GHRH: variants seen among roughly 807,000 people sequenced by gnomAD.
GHRH encodes the protein growth hormone releasing hormone.
In GHRH, 7 loss-of-function variants were observed where a neutral mutation model predicts 15.6. That is an observed-to-expected ratio of 0.45 (90% confidence interval 0.26 to 0.84). The LOEUF (loss-of-function observed/expected upper bound fraction) is 0.84. GHRH is among the 40% of genes least tolerant of loss of function. The pLI, the probability that GHRH is intolerant of heterozygous loss-of-function variation, is 0.18. For missense variants in GHRH, 117 were observed against 138.0 expected (o/e 0.85, Z 0.76); for synonymous variants, 54 against 50.4 (o/e 1.07, Z -0.30).
In GHRH at chr20:37,258,874, G is replaced by C. The variant is rs534142773; in HGVS notation, c.-19-1966C>G. Among the ~76,000 whole-genome samples the C allele has an allele frequency of 6.6e-6, 1 of 152,214 alleles. No individual in the cohort carries two copies. Among genetic ancestry groups the C allele is most frequent in the East Asian group, 1.9e-4 (1 of 5,190 alleles). ...CCTGCCTCAGCCTCCTGAGTAGCTG[G>C]GACAGCAGGCATGTGCCATCATGCC... On this transcript the variant is annotated intron_variant, in intron 1 of 4. Coordinates refer to ENST00000373614, the MANE Select transcript of GHRH (RefSeq NM_021081.6). The surrounding 1 kb of genome is among the most constrained non-coding windows in gnomAD (Gnocchi z 4.1).
intron 4 of GHRH, among the ~76,000 whole-genome samples, chr20:37,251,583 A>G (rs2068621411): frequency 1.3e-5 from 2 of 152,214 alleles, no homozygotes; most frequent in Non-Finnish European, 1.5e-5. Flanking sequence ...TTGACTGTAC[A>G]AGAACGTGTC....
rs562337799 is a variant in GHRH at position 37,251,701 on chromosome 20, G to GA, written c.309-471_309-470insT. On this transcript the variant is annotated intron_variant, in intron 4 of 4. Coordinates refer to ENST00000373614, the MANE Select transcript of GHRH (RefSeq NM_021081.6). ...CAGAGTGTGGCATGTCATAGTCACTGGATGGTCTTTACAGGGGTGGGAAGA... is the reference window on the plus strand; with the variant it reads ...CAGAGTGTGGCATGTCATAGTCACTGAGATGGTCTTTACAGGGGTGGGAAGA... Among the ~76,000 whole-genome samples the GA allele has an allele frequency of 8.8e-3, 1,345 of 152,294 alleles. 22 individuals are homozygous for GA. The highest frequency in any genetic ancestry group is 0.03 in the African/African-American group (1,237 of 41,554).
chr20:37,255,374 C>T (rs535147984), intron 3 of GHRH, among the ~76,000 whole-genome samples: 4 of 152,048 alleles, frequency 2.6e-5, no homozygotes, highest in African/African-American at 9.6e-5. Context: ...AGCTATTAAC[C>T]CTGGGCCAGG....
At chr20:37,254,078 G>A (rs2068640085) in intron 4 of GHRH, 132 bp downstream of exon 4, 2 of 883,678 alleles carry the variant, frequency 2.3e-6, no homozygotes, top group Admixed American at 2.1e-5. Context: ...TCTGTCAGGA[G>A]GGTCCTTGTT....
Position 37,258,791 on chromosome 20 carries a change from G to C in GHRH, c.-19-1883C>G, listed in dbSNP as rs765644975. ...GTCTCACTCTGTGGCCCAGGCTGAG[G>C]TGCAGTGGTGCAATCATAGCTCACT... On this transcript the variant is annotated intron_variant, in intron 1 of 4. Coordinates refer to ENST00000373614, the MANE Select transcript of GHRH (RefSeq NM_021081.6). This position sits in a 1 kb window ranked among gnomAD's most constrained non-coding sequence, Gnocchi z 4.1. 1.2e-4 allele frequency among the ~76,000 whole-genome samples: 18 copies of C among 152,090 alleles called. No homozygotes were observed. Among genetic ancestry groups the C allele is most frequent in the Non-Finnish European group, 1.9e-4 (13 of 68,026 alleles).
At chr20:37,259,714 G>A (rs2068677617) in intron 1 of GHRH, among the ~76,000 whole-genome samples, 1 of 152,140 alleles carries the variant, frequency 6.6e-6, no homozygotes, top group Admixed American at 6.6e-5. Context: ...TCTGGAGCAG[G>A]CATCCCCATG....
At chr20:37,253,031 TCAA>T (rs1026487688) in intron 4 of GHRH, among the ~76,000 whole-genome samples, 4 of 152,264 alleles carry the variant, frequency 2.6e-5, no homozygotes, top group South Asian at 2.1e-4. Flanking sequence ...AAACTCCATC[TCAA>T]CAACAACAAC....
In GHRH at chr20:37,252,126, A is replaced by G. The variant is rs533199157; in HGVS notation, c.309-895T>C. Reference sequence around the variant, plus strand: ...CAGAGGAGGCCTTCTTCTTAGAGACATTATTTTTGAACTCTTGTCTTGCGG... The same window carrying G: ...CAGAGGAGGCCTTCTTCTTAGAGACGTTATTTTTGAACTCTTGTCTTGCGG... On this transcript the variant is annotated intron_variant, in intron 4 of 4. Coordinates refer to ENST00000373614, the MANE Select transcript of GHRH (RefSeq NM_021081.6). Among the ~76,000 whole-genome samples, 4 of 152,334 alleles carry G rather than the reference A, an allele frequency of 2.6e-5. No homozygotes were observed. In the South Asian group the frequency reaches 8.3e-4, roughly 32 times the overall value.
In GHRH at chr20:37,251,136, A is replaced by G; in HGVS notation, c.*77T>C. On this transcript the variant is annotated 3_prime_UTR_variant, in exon 5 of 5. Coordinates refer to ENST00000373614, the MANE Select transcript of GHRH (RefSeq NM_021081.6). ...ATTTTATTGTATTTTCAAAGGAAAA[A>G]GTGGGTCAGAAATGAGAGGATTAAC... The G allele has an allele frequency of 1.0e-6, 1 of 978,418 alleles. No individual in the cohort carries two copies. The highest frequency in any genetic ancestry group is 1.5e-6 in the Non-Finnish European group (1 of 652,096). 60.6% of individuals were successfully genotyped at this position (978,418 alleles called of 1,614,324 possible). A position where few individuals can be genotyped will look rare whatever the true frequency, so the allele number is the denominator to read the frequency against.
At chr20:37,255,660 CAAAAAAAA>C (rs61126074) in intron 3 of GHRH, among the ~76,000 whole-genome samples, 2 of 14,720 alleles carry the variant, frequency 1.4e-4, no homozygotes, top group South Asian at 2.8e-3. Flanking sequence ...GACTCCATCT[CAAAAAAAA>C]AAAAAAAAAA....
Position 37,255,430 on chromosome 20 carries a change from G to A in GHRH, c.188+964C>T, listed in dbSNP as rs533058306. 3.1e-4 allele frequency among the ~76,000 whole-genome samples: 47 copies of A among 152,154 alleles called. 1 individual carries two copies. The South Asian group carries it at 9.6e-3, about 31-fold the overall frequency. ...AATCCCAGCACTTTGGGAGGCCGAG[G>A]CGGGCAGATCACGAGGTCAGGAGAT... is the stretch of plus-strand genomic sequence containing the variant. On this transcript the variant is annotated intron_variant, in intron 3 of 4. Transcript: ENST00000373614.
At chr20:37,260,235 C>T (rs539355116) in intron 1 of GHRH, among the ~76,000 whole-genome samples, 2 of 152,314 alleles carry the variant, frequency 1.3e-5, no homozygotes, top group South Asian at 2.1e-4. Flanking sequence ...GACCCCACAG[C>T]AACCTCTGAG....
chr20:37,258,106 A>G lies in GHRH; in HGVS notation c.-19-1198T>C, dbSNP rs1600874404. The stretch of plus-strand genomic sequence containing the variant: ...AGCATGCTCTGCAATTAGGGGAAAA[A>G]CAGCCAGCAGGGGACAGAGCCCGCC... On this transcript the variant is annotated intron_variant, in intron 1 of 4. Coordinates refer to ENST00000373614, the MANE Select transcript of GHRH (RefSeq NM_021081.6). This position sits in a 1 kb window ranked among gnomAD's most constrained non-coding sequence, Gnocchi z 4.1. Among the ~76,000 whole-genome samples the G allele has an allele frequency of 6.6e-6, 1 of 152,196 alleles. No individual in the cohort carries two copies. The highest frequency in any genetic ancestry group is 1.9e-4 in the East Asian group (1 of 5,194).
At chr20:37,256,555 T>A in intron 2 of GHRH, 57 bp from the exon 3 acceptor site, 1 of 1,093,458 alleles carries the variant, frequency 9.1e-7, no homozygotes, top group Non-Finnish European at 1.4e-6. Flanking sequence ...GAGAGGACAG[T>A]CGTGGCTGCA....
rs1196103774 is a variant in GHRH at position 37,255,683 on chromosome 20, AAAAG to A, written c.188+707_188+710del. ...CTCAAAAAAAAAAAAAAAAAAAAAA[AAAAG>A]AGCTATTAACCCTGTACAATGGGGA... On this transcript the variant is annotated intron_variant, in intron 3 of 4. Coordinates refer to ENST00000373614, the MANE Select transcript of GHRH (RefSeq NM_021081.6). Among the ~76,000 whole-genome samples the A allele has an allele frequency of 2.1e-3, 271 of 130,186 alleles. 19 individuals are homozygous for A. Among genetic ancestry groups the A allele is most frequent in the African/African-American group, 0.01 (254 of 25,262 alleles). The allele number at this position is 130,186 out of a possible 152,430, so 85.4% of individuals were successfully genotyped here.
intron 3 of GHRH, 100 bp from the exon 4 acceptor site, chr20:37,254,429 C>A: frequency 8.2e-7 from 1 of 1,213,902 alleles, no homozygotes; most frequent in Non-Finnish European, 1.2e-6. Context: ...GTGGACTCTT[C>A]TACCCAACTG....
chr20:37,254,132 A>AT (rs2146747594), intron 4 of GHRH, 78 bp downstream of exon 4: 2 of 1,515,274 alleles, frequency 1.3e-6, no homozygotes, highest in Non-Finnish European at 9.1e-7. Flanking sequence ...AGAGGAGTGG[A>AT]TTTTTTCCTT....
intron 1 of GHRH, among the ~76,000 whole-genome samples, chr20:37,257,378 G>A (rs567188916): frequency 6.6e-6 from 1 of 152,074 alleles, no homozygotes; most frequent in East Asian, 1.9e-4. Context: ...AGACAGGAGT[G>A]GTGGCGTGTG....
intron 3 of GHRH, among the ~76,000 whole-genome samples, chr20:37,254,825 T>G: frequency 6.6e-6 from 1 of 152,134 alleles, no homozygotes. Flanking sequence ...TAATCAAAAC[T>G]GTCAATGTCA....
Sources: allele counts gnomAD v4.1 joint callset (sites outside exome capture counted in the v4.1 genomes callset), GRCh38; gene constraint gnomAD v4.1.1; non-coding constraint Gnocchi (gnomAD v3.1); transcripts MANE v1.5; gene names NCBI Gene and HGNC (gene_info 2026-07-23, HGNC 2026-07-21).